FLNB: variants seen among roughly 807,000 people sequenced by gnomAD.
FLNB encodes filamin-B.
FLNB carries 111 observed loss-of-function variants against 250.6 expected under a neutral mutation model. The observed-to-expected ratio is 0.44, with a 90% CI of 0.38 to 0.52. The LOEUF is 0.52. Among genes scored for constraint, FLNB ranks in the 20% least tolerant of loss-of-function variants. FLNB has a pLI of 0.00. For missense variants in FLNB, 2,869 were observed against 3,447.8 expected, an observed-to-expected ratio of 0.83 and a Z score of 4.20; for synonymous variants, 1,302 against 1,372.1, an observed-to-expected ratio of 0.95 and a Z score of 1.13.
intron 25 of FLNB, 187 bp from the exon 26 acceptor site, chr3:58,132,621 C>T (rs2097309386): frequency 4.2e-6 from 3 of 708,658 alleles, no homozygotes; most frequent in South Asian, 3.2e-5. Context: ...GGGGTCATTT[C>T]TGCAACCATG....
intron 12 of FLNB, among the ~76,000 whole-genome samples, chr3:58,107,629 AT>A (rs201151422): frequency 4.0e-5 from 6 of 151,656 alleles, no homozygotes; most frequent in Non-Finnish European, 4.4e-5. Context: ...TAGATAAAGG[AT>A]TTTTTTTTCC....
At chr3:58,137,332 G>A (rs2097317859) in intron 28 of FLNB, among the ~76,000 whole-genome samples, 1 of 152,216 alleles carries the variant, frequency 6.6e-6, no homozygotes, top group African/African-American at 2.4e-5. Flanking sequence ...GCAGCTGCCA[G>A]CGACAACCAG....
At chr3:58,089,704 G>T (rs563845610) in intron 4 of FLNB, among the ~76,000 whole-genome samples, 1 of 152,316 alleles carries the variant, frequency 6.6e-6, no homozygotes, top group African/African-American at 2.4e-5. Context: ...ATTGGAAATT[G>T]CAGTAACTGA....
chr3:58,116,579 G>T (rs1331142485), intron 18 of FLNB, among the ~76,000 whole-genome samples: 1 of 152,218 alleles, frequency 6.6e-6, no homozygotes, highest in African/African-American at 2.4e-5. Flanking sequence ...GATGTGGATG[G>T]CTGTAGGATC....
chr3:58,103,446 G>A (rs1038760761), intron 9 of FLNB, among the ~76,000 whole-genome samples: 9 of 152,298 alleles, frequency 5.9e-5, no homozygotes, highest in East Asian at 1.9e-4. Flanking sequence ...AGTTTGCAGC[G>A]TCACATCTAA....
intron 38 of FLNB, 37 bp from the exon 39 acceptor site, chr3:58,153,338 A>ACCC: frequency 1.2e-6 from 2 of 1,613,642 alleles, no homozygotes; most frequent in Non-Finnish European, 1.7e-6. Flanking sequence ...CCTTGCCCTA[A>ACCC]CCCTCTTCTC....
chr3:58,168,138 G>A (rs1189839122), intron 43 of FLNB, among the ~76,000 whole-genome samples: 2 of 152,242 alleles, frequency 1.3e-5, no homozygotes, highest in Non-Finnish European at 2.9e-5. Flanking sequence ...TGTGACTCAG[G>A]CTTCTTGCCC....
At chr3:58,009,579 G>A (rs1314046827) in intron 1 of FLNB, among the ~76,000 whole-genome samples, 1 of 152,162 alleles carries the variant, frequency 6.6e-6, no homozygotes, top group Non-Finnish European at 1.5e-5. Context: ...AGCCCAACTA[G>A]CGTCCACTGT....
At chr3:58,165,367 C>G (rs915555264) in intron 43 of FLNB, 1 of 152,230 alleles carries the variant, frequency 6.6e-6, no homozygotes, top group Non-Finnish European at 1.5e-5. Flanking sequence ...AGGTACAGAA[C>G]CGCCTGCTTC....
rs960322464 is a variant in FLNB at position 58,110,799 on chromosome 3, G to A, written c.2484+629G>A. 5.9e-5 allele frequency among the ~76,000 whole-genome samples: 9 copies of A among 152,200 alleles called. No homozygotes were observed. The East Asian group carries it at 1.5e-3, about 26-fold the overall frequency. On this transcript the variant is annotated intron_variant, in intron 16 of 45. Transcript: ENST00000295956. ...AGAGACGGTTGCCCAGACTGCTCTC[G>A]AGCTCCTGACCTCAGGCCCACCTGG...
At chr3:58,058,139 T>C (rs989345994) in intron 1 of FLNB, among the ~76,000 whole-genome samples, 1 of 152,202 alleles carries the variant, frequency 6.6e-6, no homozygotes, top group African/African-American at 2.4e-5. Context: ...TTGCTATTAT[T>C]GTGCATGTGA....
chr3:58,038,801 C>G (rs2097141824), intron 1 of FLNB, among the ~76,000 whole-genome samples: 1 of 152,086 alleles, frequency 6.6e-6, no homozygotes, highest in Non-Finnish European at 1.5e-5. Context: ...TTTGTCTGCC[C>G]TGCCCCTTGT....
rs2097336640 is a variant in FLNB, at chr3:58,146,910, C to T, written c.5645C>T (p.Pro1882Leu). The T allele has an allele frequency of 6.2e-7, 1 of 1,614,158 alleles. No homozygotes were observed. The highest frequency in any genetic ancestry group is 8.5e-7 in the Non-Finnish European group (1 of 1,180,016). Residue 1882 changes from proline (P) to leucine (L), a missense_variant, in exon 34 of 46, where the codon CCG becomes CTG. Pro to Leu is a moderately conservative substitution (Grantham distance 98). This residue lies in a region of FLNB where 1,084 missense variants were observed against 1,315.5 expected (regional missense o/e 0.82). Coordinates refer to ENST00000295956, the MANE Select transcript of FLNB (RefSeq NM_001457.4). Reference sequence around the variant, plus strand: ...GGGACATGCACAGTGACCTACCTGCCGACTCTGCCAGGCGACTACAGCATT... The same window carrying T: ...GGGACATGCACAGTGACCTACCTGCTGACTCTGCCAGGCGACTACAGCATT... ...KDGTCTVTYL[P>L]TLPGDYSILV... is the part of the protein sequence containing the mutation.
intron 4 of FLNB, among the ~76,000 whole-genome samples, chr3:58,082,738 T>G (rs540683198): frequency 7.3e-5 from 11 of 151,182 alleles, no homozygotes; most frequent in African/African-American, 2.7e-4. Flanking sequence ...GCCACTGCAC[T>G]CCAGCCTGGG....
At chr3:58,054,763 C>T (rs1432837110) in intron 1 of FLNB, among the ~76,000 whole-genome samples, 2 of 152,112 alleles carry the variant, frequency 1.3e-5, no homozygotes, top group Non-Finnish European at 2.9e-5. Context: ...CAAGCCACAT[C>T]AGTGTTGTTA....
chr3:58,063,772 T>A (rs923581117), intron 1 of FLNB, among the ~76,000 whole-genome samples: 1 of 152,130 alleles, frequency 6.6e-6, no homozygotes, highest in African/African-American at 2.4e-5. Context: ...AGGGGAAAAA[T>A]GGAAGCTGAT....
intron 32 of FLNB, among the ~76,000 whole-genome samples, chr3:58,145,584 C>T (rs1217458130): frequency 6.6e-6 from 1 of 152,228 alleles, no homozygotes. Context: ...CTTACCTTCC[C>T]TCTGGCCATG....
intron 1 of FLNB, among the ~76,000 whole-genome samples, chr3:58,025,287 A>T (rs533489805): frequency 6.7e-6 from 1 of 148,756 alleles, no homozygotes; most frequent in African/African-American, 2.5e-5. Flanking sequence ...ACACCACCAC[A>T]CCCGGCTAAT....
chr3:58,115,734 G>A (rs58110788), intron 18 of FLNB, among the ~76,000 whole-genome samples: 4,391 of 152,204 alleles, frequency 0.029, 234 homozygotes, highest in African/African-American at 0.1. Context: ...GGTGGGCCTT[G>A]GTGGCGGTCG....
Sources: allele counts gnomAD v4.1 joint callset (sites outside exome capture counted in the v4.1 genomes callset), GRCh38; gene constraint gnomAD v4.1.1; regional missense constraint gnomAD v4.1.1; transcripts MANE v1.5; gene names NCBI Gene and HGNC (gene_info 2026-07-23, HGNC 2026-07-21).